ITGBL1: variants seen among roughly 807,000 people sequenced by gnomAD.
ITGBL1 encodes the protein integrin subunit beta like 1.
Under a neutral mutation model 68.5 loss-of-function variants are expected in ITGBL1, and 51 were observed. The ratio of observed to expected loss-of-function variants is 0.74; its 90% CI spans 0.59 to 0.94. The LOEUF is 0.94. ITGBL1 is among the 40% of genes least tolerant of loss of function. ITGBL1 has a pLI of 0.00. For missense variants in ITGBL1, 649 were observed against 647.4 expected (o/e 1.00, Z -0.03); for synonymous variants, 209 against 227.3 (o/e 0.92, Z 0.72).
intron 6 of ITGBL1, among the ~76,000 whole-genome samples, chr13:101,590,321 A>G (rs545594820): frequency 1.3e-5 from 2 of 152,300 alleles, no homozygotes; most frequent in Non-Finnish European, 2.9e-5. Flanking sequence ...CCGACTATGC[A>G]ACTTAAGAAC....
At chr13:101,719,301 A>T (rs2034837012), downstream of ITGBL1, 1 of 152,134 alleles carries the variant, frequency 6.6e-6, no homozygotes, top group Non-Finnish European at 1.5e-5. Context: ...GCTAGGTATG[A>T]TAAAGAACTT....
chr13:101,598,305 T>A lies in ITGBL1; in HGVS notation c.1015+6T>A. ...TCTGCCTTGCTCTGGGAGGGGTAAGTGAGGTCTCTCAGGGCTTCCCACGGC... is the reference window on the plus strand; with the variant it reads ...TCTGCCTTGCTCTGGGAGGGGTAAGAGAGGTCTCTCAGGGCTTCCCACGGC... On this transcript the variant is annotated splice_donor_region_variant and intron_variant, in intron 7 of 10. Transcript: ENST00000376180. The A allele has an allele frequency of 1.3e-6, 2 of 1,597,606 alleles. No individual in the cohort carries two copies. The highest frequency in any genetic ancestry group is 1.7e-6 in the Non-Finnish European group (2 of 1,172,698).
At chr13:101,541,082 C>T (rs1182867941) in intron 2 of ITGBL1, among the ~76,000 whole-genome samples, 1 of 138,674 alleles carries the variant, frequency 7.2e-6, no homozygotes, top group Non-Finnish European at 1.5e-5. Flanking sequence ...CCAGAACTTC[C>T]AACACTATGT....
intron 2 of ITGBL1, among the ~76,000 whole-genome samples, chr13:101,519,059 A>T (rs911931572): frequency 6.6e-6 from 1 of 152,214 alleles, no homozygotes; most frequent in Admixed American, 6.5e-5. Flanking sequence ...TTTCTAATAG[A>T]TACTAAACTT....
At chr13:101,616,075 A>T (rs1203009868) in intron 7 of ITGBL1, among the ~76,000 whole-genome samples, 1 of 152,206 alleles carries the variant, frequency 6.6e-6, no homozygotes, top group Non-Finnish European at 1.5e-5. Flanking sequence ...TACAGCGTAA[A>T]AAAGAAAGAG....
intron 7 of ITGBL1, among the ~76,000 whole-genome samples, chr13:101,625,334 T>A (rs970303599): frequency 2.0e-5 from 3 of 152,194 alleles, no homozygotes; most frequent in Non-Finnish European, 4.4e-5. Flanking sequence ...CTAAATTCAT[T>A]ATATTCCTGC....
intron 7 of ITGBL1, among the ~76,000 whole-genome samples, chr13:101,635,778 T>C (rs2032152033): frequency 6.6e-6 from 1 of 152,064 alleles, no homozygotes; most frequent in African/African-American, 2.4e-5. Flanking sequence ...GATTAAGTCA[T>C]TTCAAACACT....
At chr13:101,647,065 G>C (rs2032583029) in intron 7 of ITGBL1, among the ~76,000 whole-genome samples, 1 of 152,072 alleles carries the variant, frequency 6.6e-6, no homozygotes, top group Non-Finnish European at 1.5e-5. Flanking sequence ...ATTTTAGACA[G>C]TGAATCTATA....
At chr13:101,464,843 C>G (rs2048362374) in intron 2 of ITGBL1, among the ~76,000 whole-genome samples, 1 of 152,162 alleles carries the variant, frequency 6.6e-6, no homozygotes, top group Admixed American at 6.5e-5. Context: ...AAGCCCTTTT[C>G]TGGTAGACCA....
chr13:101,570,340 C>T (rs137906393), intron 3 of ITGBL1, among the ~76,000 whole-genome samples: 1 of 152,126 alleles, frequency 6.6e-6, no homozygotes, highest in Non-Finnish European at 1.5e-5. Flanking sequence ...CAATTCTTTA[C>T]TTGTTGGCAT....
At chr13:101,650,231 CAGCATTAGA>C (rs2032700550) in intron 7 of ITGBL1, among the ~76,000 whole-genome samples, 2 of 152,258 alleles carry the variant, frequency 1.3e-5, no homozygotes, top group South Asian at 4.1e-4. Context: ...TATATACTAA[CAGCATTAGA>C]AGCTGTACTT....
chr13:101,519,021 G>A (rs1348026929), intron 2 of ITGBL1, among the ~76,000 whole-genome samples: 1 of 152,074 alleles, frequency 6.6e-6, no homozygotes, highest in Non-Finnish European at 1.5e-5. Flanking sequence ...ACAGATACAT[G>A]CACACCCACA....
At chr13:101,621,520 G>A (rs577908642) in intron 7 of ITGBL1, among the ~76,000 whole-genome samples, 28 of 152,068 alleles carry the variant, frequency 1.8e-4, no homozygotes, top group African/African-American at 6.7e-4. Flanking sequence ...CTTAAAAAGG[G>A]ATAAAGAAAC....
chr13:101,651,746 G>A (rs1183185009), intron 7 of ITGBL1, among the ~76,000 whole-genome samples: 3 of 149,166 alleles, frequency 2.0e-5, no homozygotes, highest in African/African-American at 4.9e-5. Flanking sequence ...ATTTTTGCCC[G>A]GGTCTATGTC....
chr13:101,588,277 C>G (rs543055605), intron 6 of ITGBL1, among the ~76,000 whole-genome samples: 2 of 140,216 alleles, frequency 1.4e-5, no homozygotes, highest in South Asian at 2.3e-4. Context: ...TATACCAACA[C>G]CAAGCACTGT....
At chr13:101,560,919 G>A (rs1378956333) in intron 2 of ITGBL1, among the ~76,000 whole-genome samples, 2 of 152,128 alleles carry the variant, frequency 1.3e-5, no homozygotes, top group Non-Finnish European at 2.9e-5. Flanking sequence ...TTTCCACTTA[G>A]GGATGTAGAA....
rs375888905 is a variant in ITGBL1, at chr13:101,520,682, C to T, written c.317-47017C>T. Among the ~76,000 whole-genome samples, 6 of 152,122 alleles carry T rather than the reference C, an allele frequency of 3.9e-5. No individual in the cohort carries two copies. In the East Asian group the frequency reaches 5.8e-4, roughly 15 times the overall value. On this transcript the variant is annotated intron_variant, in intron 2 of 10. Transcript: ENST00000376180. ...GATGTGGGACCCTGCAAGGCTGCCT[C>T]GCTGGAACCAAGGGATTTAGCAAAT... is the stretch of plus-strand genomic sequence containing the variant.
chr13:101,590,654 C>T (rs778843642), intron 6 of ITGBL1, among the ~76,000 whole-genome samples: 2 of 152,190 alleles, frequency 1.3e-5, no homozygotes, highest in South Asian at 2.1e-4. Flanking sequence ...ACAAGTCTCT[C>T]GCAAATGTCA....
At chr13:101,566,487 G>T (rs2050184841) in intron 2 of ITGBL1, among the ~76,000 whole-genome samples, 1 of 152,116 alleles carries the variant, frequency 6.6e-6, no homozygotes, top group Non-Finnish European at 1.5e-5. Flanking sequence ...CAAGGTTTTG[G>T]TTATAAAATA....
Sources: gnomAD v4.1 joint callset for allele counts (sites outside exome capture counted in the v4.1 genomes callset) on GRCh38, gnomAD v4.1.1 for gene constraint, MANE v1.5 for transcripts, NCBI Gene and HGNC (gene_info 2026-07-23, HGNC 2026-07-21) for gene names.